Variants in MACROD2 observed in about 807,000 individuals in gnomAD.
MACROD2 encodes mono-ADP ribosylhydrolase 2.
MACROD2 carries 36 observed loss-of-function variants against 70.4 expected under a neutral mutation model. The observed-to-expected ratio is 0.51, with a 90% confidence interval of 0.39 to 0.68. The LOEUF is 0.68. Ranked by LOEUF, MACROD2 falls within the 30% of genes least tolerant of loss-of-function variation. MACROD2 has a pLI of 0.00. For missense variants in MACROD2, 496 were observed against 538.4 expected (o/e 0.92, Z 0.78); for synonymous variants, 172 against 178.8 (o/e 0.96, Z 0.30).
chr20:15,898,172 C>G (rs555454080), intron 10 of MACROD2, among the ~76,000 whole-genome samples: 2 of 152,138 alleles, frequency 1.3e-5, no homozygotes, highest in African/African-American at 4.8e-5. Context: ...ATTTATGACC[C>G]TAGCATGGGC....
intron 8 of MACROD2, among the ~76,000 whole-genome samples, chr20:15,705,359 G>A (rs2146904487): frequency 6.6e-6 from 1 of 152,234 alleles, no homozygotes; most frequent in East Asian, 1.9e-4. Context: ...AGGATCACCA[G>A]TTTAATTATC....
chr20:14,988,355 CAAAAA>C (rs11087116), intron 5 of MACROD2, among the ~76,000 whole-genome samples: 3,048 of 112,224 alleles, frequency 0.027, 62 homozygotes, highest in Admixed American at 0.064. Flanking sequence ...GAGACTCTGT[CAAAAA>C]AAAAAAAAAA....
intron 4 of MACROD2, among the ~76,000 whole-genome samples, chr20:14,523,917 C>T (rs2085198622): frequency 6.6e-6 from 1 of 152,168 alleles, no homozygotes; most frequent in Non-Finnish European, 1.5e-5. Context: ...TTAGATCCTT[C>T]CTGAGGATAT....
chr20:15,485,896 T>C (rs1368892442), intron 7 of MACROD2, among the ~76,000 whole-genome samples: 1 of 152,254 alleles, frequency 6.6e-6, no homozygotes, highest in South Asian at 2.1e-4. Context: ...TAGTAAAAGA[T>C]CTTGTATGCA....
At chr20:14,701,218 A>G (rs1169576904) in intron 5 of MACROD2, among the ~76,000 whole-genome samples, 1 of 152,112 alleles carries the variant, frequency 6.6e-6, no homozygotes, top group Non-Finnish European at 1.5e-5. Flanking sequence ...TTGTATTTCC[A>G]TATGTCACTG....
intron 3 of MACROD2, among the ~76,000 whole-genome samples, chr20:14,219,192 A>G (rs2081648742): frequency 6.6e-6 from 1 of 152,128 alleles, no homozygotes; most frequent in South Asian, 2.1e-4. Flanking sequence ...TTGATTGTTT[A>G]ACATAATCCC....
chr20:15,288,308 G>A (rs554006919), intron 6 of MACROD2, among the ~76,000 whole-genome samples: 2 of 152,314 alleles, frequency 1.3e-5, no homozygotes, highest in East Asian at 1.9e-4. Flanking sequence ...CAGGCAGGCT[G>A]TCTCCATGGT....
At chr20:14,611,346 A>G (rs2076731616) in intron 4 of MACROD2, among the ~76,000 whole-genome samples, 1 of 151,258 alleles carries the variant, frequency 6.6e-6, no homozygotes, top group South Asian at 2.1e-4. Context: ...AGCAATGATT[A>G]TTTCTTACAC....
intron 6 of MACROD2, among the ~76,000 whole-genome samples, chr20:15,345,133 C>G (rs982434543): frequency 6.6e-6 from 1 of 152,126 alleles, no homozygotes; most frequent in African/African-American, 2.4e-5. Context: ...TCCTTATGGC[C>G]TTGTCTAATC....
chr20:14,320,162 C>T (rs1046380925), intron 3 of MACROD2, among the ~76,000 whole-genome samples: 2 of 152,212 alleles, frequency 1.3e-5, no homozygotes, highest in African/African-American at 4.8e-5. Context: ...TCTGTTTCTT[C>T]TCAGTTGTTT....
chr20:15,758,149 A>G (rs147158553), intron 8 of MACROD2, among the ~76,000 whole-genome samples: 274 of 152,294 alleles, frequency 1.8e-3, no homozygotes, highest in Middle Eastern at 0.014. Flanking sequence ...TTAAAAGTTA[A>G]TAATTTATGT....
chr20:15,376,172 CTTTGTA>C (rs1248332820), intron 6 of MACROD2, among the ~76,000 whole-genome samples: 7 of 152,104 alleles, frequency 4.6e-5, no homozygotes, highest in Non-Finnish European at 8.8e-5. Context: ...GTATTCTCCA[CTTTGTA>C]TTTGTGGCAA....
chr20:15,438,391 T>C (rs977084588), intron 7 of MACROD2, among the ~76,000 whole-genome samples: 1 of 152,204 alleles, frequency 6.6e-6, no homozygotes, highest in Non-Finnish European at 1.5e-5. Context: ...TGTGAGATGG[T>C]ATCTCACCGT....
intron 8 of MACROD2, among the ~76,000 whole-genome samples, chr20:15,572,308 T>C (rs2048386792): frequency 6.6e-6 from 1 of 152,148 alleles, no homozygotes; most frequent in Admixed American, 6.5e-5. Context: ...AGAGAATTTC[T>C]TTGTTTTATT....
intron 5 of MACROD2, among the ~76,000 whole-genome samples, chr20:14,742,647 A>C (rs2071746454): frequency 1.3e-5 from 2 of 151,902 alleles, no homozygotes; most frequent in Admixed American, 6.6e-5. Flanking sequence ...TTGCTTTCCT[A>C]TGCTAAGGTT....
chr20:14,123,096 A>G (rs1391010139), intron 3 of MACROD2, among the ~76,000 whole-genome samples: 4 of 152,140 alleles, frequency 2.6e-5, no homozygotes, highest in Non-Finnish European at 5.9e-5. Flanking sequence ...AGGGTACATA[A>G]TTTTTAGTAC....
At chr20:14,660,448 C>A (rs1157295375) in intron 4 of MACROD2, among the ~76,000 whole-genome samples, 1 of 152,040 alleles carries the variant, frequency 6.6e-6, no homozygotes, top group African/African-American at 2.4e-5. Context: ...TATTTGCTAA[C>A]TTATTGAGTA....
chr20:14,741,776 A>T (rs552622674), intron 5 of MACROD2, among the ~76,000 whole-genome samples: 18 of 152,140 alleles, frequency 1.2e-4, no homozygotes, highest in Non-Finnish European at 2.4e-4. Flanking sequence ...ATATGAGTAT[A>T]GTCACAAGGG....
chr20:14,087,903 AAG>A (rs1288498723), intron 3 of MACROD2, among the ~76,000 whole-genome samples: 14 of 152,244 alleles, frequency 9.2e-5, no homozygotes, highest in South Asian at 2.1e-4. Context: ...ATATATACAT[AAG>A]AGAGATATAT....
Sources: gnomAD v4.1 joint callset for allele counts (sites outside exome capture counted in the v4.1 genomes callset) on GRCh38, gnomAD v4.1.1 for gene constraint, MANE v1.5 for transcripts, NCBI Gene and HGNC (gene_info 2026-07-23, HGNC 2026-07-21) for gene names.